UST: variants seen among roughly 807,000 people sequenced by gnomAD.
The protein encoded by UST is uronyl 2-sulfotransferase, also known as chondroitin sulfate 2-O-sulfotransferase.
A neutral mutation model predicts 45.6 loss-of-function variants in UST; 21 were observed. The observed-to-expected ratio is 0.46, with a 90% CI of 0.33 to 0.66. UST has a LOEUF of 0.66. Among genes scored for constraint, UST ranks in the 30% least tolerant of loss-of-function variants. UST has a pLI of 0.02. For missense variants in UST, 463 were observed against 512.4 expected (o/e 0.90, Z 0.93); for synonymous variants, 215 against 200.6 (o/e 1.07, Z -0.61).
intron 1 of UST, among the ~76,000 whole-genome samples, chr6:148,760,725 A>G (rs939474621): frequency 3.3e-5 from 5 of 152,122 alleles, no homozygotes; most frequent in African/African-American, 1.2e-4. Flanking sequence ...ACAAAACAAA[A>G]CAAAACAAAA....
At chr6:148,837,487 AGTTC>A (rs1777807736) in intron 1 of UST, among the ~76,000 whole-genome samples, 1 of 152,224 alleles carries the variant, frequency 6.6e-6, no homozygotes. Context: ...CTGTAGCTGA[AGTTC>A]CTTCACTTGG....
At chr6:148,852,919 T>G (rs753071353) in intron 1 of UST, among the ~76,000 whole-genome samples, 7 of 152,204 alleles carry the variant, frequency 4.6e-5, no homozygotes, top group Non-Finnish European at 1.0e-4. Flanking sequence ...CACATGACTT[T>G]AGTAAATACC....
rs1352982161 is a variant in UST at position 148,747,370 on chromosome 6, C to G, written c.-61C>G. 3 of 1,361,410 alleles carry G rather than the reference C, an allele frequency of 2.2e-6. No homozygotes were observed. The highest frequency in any genetic ancestry group is 2.9e-6 in the Non-Finnish European group (3 of 1,052,036). The allele number at this position is 1,361,410 out of a possible 1,614,324, so 84.3% of individuals were successfully genotyped here. A position where few individuals can be genotyped will look rare whatever the true frequency, so the allele number is the denominator to read the frequency against. ...AGCCGGCCAGCCGGGCTCTCCTCCT[C>G]GCGGCGGATGGGTGACCTTTTCCTG... On this transcript the variant is annotated 5_prime_UTR_variant, in exon 1 of 8. Coordinates refer to ENST00000367463, the MANE Select transcript of UST (RefSeq NM_005715.3).
At chr6:148,830,994 G>A (rs1217723649) in intron 1 of UST, among the ~76,000 whole-genome samples, 1 of 147,588 alleles carries the variant, frequency 6.8e-6, no homozygotes, top group Non-Finnish European at 1.5e-5. Context: ...CATCACCGTT[G>A]CTTGAAAGAA....
chr6:148,986,083 A>G (rs1160928599), intron 5 of UST, among the ~76,000 whole-genome samples: 1 of 152,224 alleles, frequency 6.6e-6, no homozygotes, highest in East Asian at 1.9e-4. Context: ...GTCATTCATC[A>G]GAGGAGTCCT....
chr6:148,810,751 A>C (rs1777242510), intron 1 of UST, among the ~76,000 whole-genome samples: 2 of 152,196 alleles, frequency 1.3e-5, no homozygotes. Context: ...AAAAGCCTAT[A>C]AAATTATTAC....
chr6:148,970,364 C>T (rs140508620), intron 5 of UST, among the ~76,000 whole-genome samples: 6 of 152,286 alleles, frequency 3.9e-5, no homozygotes, highest in Middle Eastern at 3.4e-3. Context: ...TTAGGGTGTC[C>T]GCCCTCACAG....
chr6:148,842,611 A>G (rs1207451733), intron 1 of UST, among the ~76,000 whole-genome samples: 2 of 152,208 alleles, frequency 1.3e-5, no homozygotes, highest in African/African-American at 4.8e-5. Context: ...TCTCGTCTGC[A>G]CATCCCTCCC....
At chr6:148,762,744 A>G (rs949488871) in intron 1 of UST, among the ~76,000 whole-genome samples, 2 of 150,836 alleles carry the variant, frequency 1.3e-5, no homozygotes, top group Non-Finnish European at 2.9e-5. Context: ...CTGTATGTCC[A>G]TGTGTACCCA....
intron 1 of UST, among the ~76,000 whole-genome samples, chr6:148,775,923 C>A (rs949904794): frequency 1.3e-5 from 2 of 152,086 alleles, no homozygotes; most frequent in Admixed American, 1.3e-4. Flanking sequence ...TGAGCCACTG[C>A]GCCCGGCCTG....
chr6:148,890,642 C>T (rs1334551095), intron 2 of UST, among the ~76,000 whole-genome samples: 1 of 152,144 alleles, frequency 6.6e-6, no homozygotes, highest in Non-Finnish European at 1.5e-5. Flanking sequence ...GGGTGTGCCA[C>T]ACAACACATA....
chr6:148,760,651 G>T (rs1323223706), intron 1 of UST, among the ~76,000 whole-genome samples: 1 of 138,406 alleles, frequency 7.2e-6, no homozygotes, highest in Non-Finnish European at 1.6e-5. Context: ...AAACCACAAA[G>T]AAAAAAAAAA....
chr6:148,988,532 T>C (rs140750295), intron 5 of UST, among the ~76,000 whole-genome samples: 2 of 144,632 alleles, frequency 1.4e-5, no homozygotes, highest in Non-Finnish European at 3.0e-5. Flanking sequence ...CAAGATCACA[T>C]TACTGGACTC....
intron 1 of UST, among the ~76,000 whole-genome samples, chr6:148,778,312 C>CA (rs760611690): frequency 3.3e-4 from 41 of 124,080 alleles, no homozygotes; most frequent in Non-Finnish European, 6.3e-4. Flanking sequence ...CTGTTTTAAA[C>CA]AAGAATTTCA....
At position 149,052,571 on chromosome 6, in the gene UST, G is replaced by A. The variant is rs140093585; in HGVS notation, c.938-21262G>A. Among the ~76,000 whole-genome samples the A allele has an allele frequency of 5.3e-3, 773 of 145,226 alleles. 8 individuals are homozygous for A. The highest frequency in any genetic ancestry group is 0.019 in the African/African-American group (717 of 37,906). On this transcript the variant is annotated intron_variant, in intron 7 of 7. Transcript: ENST00000367463. ...CCAGGCCCAGGTGACTTGCAACCCC[G>A]TGCTCGTAAGCTCTTAACTGGTCTC...
intron 5 of UST, among the ~76,000 whole-genome samples, chr6:149,017,797 T>TACACACAC (rs1327763227): frequency 8.2e-4 from 49 of 59,450 alleles, no homozygotes; most frequent in Middle Eastern, 6.7e-3. Context: ...AATATCCATA[T>TACACACAC]ATACACACAC....
chr6:148,915,179 C>T (rs1319074092), intron 2 of UST, among the ~76,000 whole-genome samples: 1 of 152,104 alleles, frequency 6.6e-6, no homozygotes, highest in East Asian at 1.9e-4. Flanking sequence ...TGGGAAGACA[C>T]AAACATTCAA....
At chr6:149,067,838 C>T (rs571215577) in intron 7 of UST, among the ~76,000 whole-genome samples, 34 of 152,112 alleles carry the variant, frequency 2.2e-4, no homozygotes, top group Admixed American at 5.2e-4. Context: ...TGTCGTTTTC[C>T]GAACATGGTA....
chr6:149,007,990 T>TG (rs764731110), intron 5 of UST, among the ~76,000 whole-genome samples: 28 of 152,322 alleles, frequency 1.8e-4, no homozygotes, highest in Non-Finnish European at 3.5e-4. Context: ...GATAAACTGT[T>TG]GCTGCAGTAC....
Sources: allele counts gnomAD v4.1 joint callset (sites outside exome capture counted in the v4.1 genomes callset), GRCh38; gene constraint gnomAD v4.1.1; transcripts MANE v1.5; gene names NCBI Gene and HGNC (gene_info 2026-07-23, HGNC 2026-07-21).